SLC24A2: variants seen among roughly 807,000 people sequenced by gnomAD.
The protein encoded by SLC24A2 is solute carrier family 24 member 2.
SLC24A2 carries 36 observed loss-of-function variants against 62.0 expected under a neutral mutation model. The ratio of observed to expected loss-of-function variants is 0.58; its 90% confidence interval spans 0.44 to 0.77. The LOEUF (loss-of-function observed/expected upper bound fraction) is 0.77. Among genes scored for constraint, SLC24A2 ranks in the 30% least tolerant of loss-of-function variants. The probability of loss-of-function intolerance (pLI) is 0.00; values close to 1 mark genes in which losing one functional copy is unlikely to be tolerated. For synonymous variants in SLC24A2, 358 were observed against 294.0 expected, an observed-to-expected ratio of 1.22 and a Z score of -2.23; for missense variants, 846 against 817.9, an observed-to-expected ratio of 1.03 and a Z score of -0.42.
chr9:19,793,459 A>C (rs1441641132), upstream of SLC24A2, among the ~76,000 whole-genome samples: 1 of 152,224 alleles, frequency 6.6e-6, no homozygotes, highest in Non-Finnish European at 1.5e-5. Flanking sequence ...GGGAGCAAGA[A>C]AGTGCAGTTG....
At chr9:19,969,009 C>G in the SLC24A2 span, among the ~76,000 whole-genome samples, 1 of 152,054 alleles carries the variant, frequency 6.6e-6, no homozygotes, top group African/African-American at 2.4e-5. Flanking sequence ...GGCTGTTCTA[C>G]CAGACATTCT....
the SLC24A2 span, among the ~76,000 whole-genome samples, chr9:19,904,335 C>T: frequency 1.3e-5 from 2 of 152,188 alleles, no homozygotes; most frequent in African/African-American, 4.8e-5. Flanking sequence ...TGAGATTATA[C>T]ACCAAAATCA....
intron 7 of SLC24A2, among the ~76,000 whole-genome samples, chr9:19,554,818 C>A (rs192364341): frequency 6.6e-6 from 1 of 152,174 alleles, no homozygotes; most frequent in East Asian, 1.9e-4. Context: ...TTTCTGACAC[C>A]CATCAAGGGC....
At chr9:19,524,417 GCA>G (rs1833341595) in intron 9 of SLC24A2, among the ~76,000 whole-genome samples, 1 of 54,524 alleles carries the variant, frequency 1.8e-5, no homozygotes, top group Admixed American at 2.4e-4. Context: ...AAAGATAAAG[GCA>G]AAAAAAAAAA....
intron 2 of SLC24A2, among the ~76,000 whole-genome samples, chr9:19,724,567 T>C (rs1821117125): frequency 6.6e-6 from 1 of 152,162 alleles, no homozygotes; most frequent in South Asian, 2.1e-4. Context: ...ACATTATTAA[T>C]ACAAGGTCTG....
At chr9:20,226,877 C>T in the SLC24A2 span, among the ~76,000 whole-genome samples, 10 of 152,168 alleles carry the variant, frequency 6.6e-5, no homozygotes, top group African/African-American at 1.4e-4. Flanking sequence ...ATCCAGCCAG[C>T]GAAGTAGGCT....
chr9:19,783,908 A>C (rs1220954638), intron 2 of SLC24A2, among the ~76,000 whole-genome samples: 1 of 152,254 alleles, frequency 6.6e-6, no homozygotes, highest in African/African-American at 2.4e-5. Flanking sequence ...ATTTGGTGCT[A>C]AATGGAAAAC....
At chr9:19,546,378 C>A (rs902317548) in intron 8 of SLC24A2, among the ~76,000 whole-genome samples, 1 of 152,126 alleles carries the variant, frequency 6.6e-6, no homozygotes, top group South Asian at 2.1e-4. Flanking sequence ...TTCAGTGATG[C>A]CCTTGCCAGA....
At chr9:20,224,114 G>C in the SLC24A2 span, among the ~76,000 whole-genome samples, 45 of 151,992 alleles carry the variant, frequency 3.0e-4, no homozygotes, top group Middle Eastern at 3.2e-3. Flanking sequence ...TCCCTCCCTT[G>C]ACACATGGGG....
chr9:19,953,515 A>C, the SLC24A2 span, among the ~76,000 whole-genome samples: 1 of 152,016 alleles, frequency 6.6e-6, no homozygotes, highest in African/African-American at 2.4e-5. Flanking sequence ...TTCATGACAT[A>C]GGGCAGATAT....
At chr9:19,951,618 C>G in the SLC24A2 span, among the ~76,000 whole-genome samples, 1 of 151,846 alleles carries the variant, frequency 6.6e-6, no homozygotes, top group African/African-American at 2.4e-5. Flanking sequence ...AAGACACTAT[C>G]GTTTTTCCAT....
chr9:19,702,777 ATG>A (rs1227924355), intron 2 of SLC24A2, among the ~76,000 whole-genome samples: 1 of 152,158 alleles, frequency 6.6e-6, no homozygotes, highest in Non-Finnish European at 1.5e-5. Flanking sequence ...TAAAATTTAA[ATG>A]TTTATTTAAA....
chr9:19,958,564 T>C, the SLC24A2 span, among the ~76,000 whole-genome samples: 2 of 152,166 alleles, frequency 1.3e-5, no homozygotes, highest in Non-Finnish European at 2.9e-5. Context: ...TGTGCAAGTC[T>C]AGGATTCCAG....
chr9:19,706,239 G>A (rs1820511744), intron 2 of SLC24A2, among the ~76,000 whole-genome samples: 1 of 151,712 alleles, frequency 6.6e-6, no homozygotes, highest in African/African-American at 2.4e-5. Flanking sequence ...TGTTTTATCA[G>A]AGACTAGGAT....
intron 2 of SLC24A2, among the ~76,000 whole-genome samples, chr9:19,726,798 T>A (rs1821185191): frequency 6.6e-6 from 1 of 152,186 alleles, no homozygotes; most frequent in Non-Finnish European, 1.5e-5. Context: ...AATTGATCTA[T>A]CCCAAGGCAT....
At chr9:19,812,429 A>G in the SLC24A2 span, among the ~76,000 whole-genome samples, 1 of 152,006 alleles carries the variant, frequency 6.6e-6, no homozygotes, top group African/African-American at 2.4e-5. Flanking sequence ...AATGCTCTCT[A>G]TTGCTATCTC....
chr9:20,279,487 C>T, the SLC24A2 span, among the ~76,000 whole-genome samples: 15 of 152,134 alleles, frequency 9.9e-5, no homozygotes, highest in Non-Finnish European at 2.1e-4. Flanking sequence ...GCTGAGATCA[C>T]GCCATTGCAC....
At chr9:19,823,899 G>C in the SLC24A2 span, among the ~76,000 whole-genome samples, 1 of 152,034 alleles carries the variant, frequency 6.6e-6, no homozygotes, top group African/African-American at 2.4e-5. Context: ...TTTGACAAAT[G>C]TGACAAAAAC....
chr9:19,805,255 G>A, the SLC24A2 span, among the ~76,000 whole-genome samples: 1 of 152,066 alleles, frequency 6.6e-6, no homozygotes, highest in Non-Finnish European at 1.5e-5. Flanking sequence ...CATTTTCTAA[G>A]GATGCTTATG....
Sources: allele counts gnomAD v4.1 joint callset (sites outside exome capture counted in the v4.1 genomes callset), GRCh38; gene constraint gnomAD v4.1.1; transcripts MANE v1.5; gene names NCBI Gene and HGNC (gene_info 2026-07-23, HGNC 2026-07-21).